Variants in KCNB2 observed in about 807,000 individuals in gnomAD.
The protein encoded by KCNB2 is potassium voltage-gated channel subfamily B member 2, also known as delayed rectifier potassium channel protein.
KCNB2 carries 15 observed loss-of-function variants against 61.5 expected under a neutral mutation model. That is an observed-to-expected ratio of 0.24 (90% CI 0.16 to 0.38). The LOEUF (loss-of-function observed/expected upper bound fraction) is 0.38. Ranked by LOEUF, KCNB2 falls within the 10% of genes least tolerant of loss-of-function variation. The probability of loss-of-function intolerance (pLI) is 1.00; values close to 1 mark genes in which losing one functional copy is unlikely to be tolerated. For synonymous variants in KCNB2, 457 were observed against 446.0 expected (o/e 1.02, Z -0.31); for missense variants, 828 against 1,125.2 (o/e 0.74, Z 3.78).
intron 2 of KCNB2, among the ~76,000 whole-genome samples, chr8:72,678,100 G>A (rs1424561107): frequency 6.6e-6 from 1 of 152,030 alleles, no homozygotes; most frequent in African/African-American, 2.4e-5. Context: ...AAAATTTTTG[G>A]ACACATCCTT....
intron 2 of KCNB2, among the ~76,000 whole-genome samples, chr8:72,727,935 A>G (rs1389882691): frequency 1.3e-5 from 2 of 152,208 alleles, no homozygotes; most frequent in African/African-American, 2.4e-5. Flanking sequence ...TTTTCCATTT[A>G]TAGACTTTAT....
chr8:72,618,329 C>G (rs1028076179), intron 2 of KCNB2, among the ~76,000 whole-genome samples: 41 of 152,258 alleles, frequency 2.7e-4, no homozygotes, highest in African/African-American at 8.9e-4. Context: ...CAGAGAAACT[C>G]TCCTTCTTTT....
intron 2 of KCNB2, among the ~76,000 whole-genome samples, chr8:72,721,658 C>T (rs1405132978): frequency 6.6e-6 from 1 of 152,176 alleles, no homozygotes; most frequent in Non-Finnish European, 1.5e-5. Context: ...ATGAAATCAC[C>T]TTACTCAGAC....
chr8:72,911,593 G>A (rs1806294758), intron 2 of KCNB2, among the ~76,000 whole-genome samples: 3 of 152,310 alleles, frequency 2.0e-5, no homozygotes, highest in African/African-American at 7.2e-5. Context: ...GGCCAACACT[G>A]CCTTTTTAGC....
intron 2 of KCNB2, among the ~76,000 whole-genome samples, chr8:72,635,527 T>C (rs1030005475): frequency 6.6e-6 from 1 of 152,026 alleles, no homozygotes; most frequent in Non-Finnish European, 1.5e-5. Context: ...GAATGAAGAG[T>C]GCCCCGTCTC....
At chr8:72,905,853 C>A (rs1212486525) in intron 2 of KCNB2, among the ~76,000 whole-genome samples, 1 of 152,044 alleles carries the variant, frequency 6.6e-6, no homozygotes, top group Non-Finnish European at 1.5e-5. Context: ...CCAAATGCCA[C>A]CAGACCATCA....
chr8:72,733,402 C>G (rs1486437628), intron 2 of KCNB2, among the ~76,000 whole-genome samples: 1 of 152,088 alleles, frequency 6.6e-6, no homozygotes, highest in Admixed American at 6.6e-5. Flanking sequence ...ATGAGTCTTC[C>G]ATTCTTGACC....
chr8:72,846,118 C>T (rs912775359), intron 2 of KCNB2, among the ~76,000 whole-genome samples: 2 of 152,126 alleles, frequency 1.3e-5, no homozygotes, highest in Non-Finnish European at 2.9e-5. Flanking sequence ...TTGTGAAGAC[C>T]GTGGGAAAAG....
chr8:72,556,092 T>TCA (rs1351780212), intron 1 of KCNB2, among the ~76,000 whole-genome samples: 6 of 152,182 alleles, frequency 3.9e-5, no homozygotes, highest in African/African-American at 1.4e-4. Context: ...CTGGTACAAG[T>TCA]CACGTGAACT....
rs187243994 is a variant in KCNB2 at position 72,902,990 on chromosome 8, G to A, written c.580-32945G>A. ...TTACTGATTTATCTTCAGAAATAAGGGTGGTTCTGGATAACCTCTATTTTA... is the reference window on the plus strand; with the variant it reads ...TTACTGATTTATCTTCAGAAATAAGAGTGGTTCTGGATAACCTCTATTTTA... On this transcript the variant is annotated intron_variant, in intron 2 of 2. Transcript: ENST00000523207. 4.5e-3 allele frequency among the ~76,000 whole-genome samples: 688 copies of A among 152,196 alleles called. 6 individuals are homozygous for A. The highest frequency in any genetic ancestry group is 4.7e-3 in the Non-Finnish European group (317 of 67,996).
At chr8:72,885,149 G>T (rs1391918840) in intron 2 of KCNB2, among the ~76,000 whole-genome samples, 1 of 151,870 alleles carries the variant, frequency 6.6e-6, no homozygotes, top group African/African-American at 2.4e-5. Flanking sequence ...TTCATTAATA[G>T]ATTTTAAAAT....
intron 2 of KCNB2, among the ~76,000 whole-genome samples, chr8:72,596,989 C>T (rs1047581393): frequency 5.9e-5 from 7 of 118,848 alleles, no homozygotes; most frequent in African/African-American, 2.3e-4. Context: ...TGCTTGCTTG[C>T]TTGCTTGCTT....
chr8:72,843,445 A>G (rs1809930856), intron 2 of KCNB2, among the ~76,000 whole-genome samples: 1 of 152,164 alleles, frequency 6.6e-6, no homozygotes, highest in East Asian at 1.9e-4. Flanking sequence ...GTAGATGTCT[A>G]TTAGGTCTGC....
intron 2 of KCNB2, among the ~76,000 whole-genome samples, chr8:72,743,050 T>C (rs1488138520): frequency 2.0e-5 from 3 of 152,194 alleles, no homozygotes; most frequent in Non-Finnish European, 4.4e-5. Flanking sequence ...CATATTTTAT[T>C]TTTAATGAAG....
intron 2 of KCNB2, among the ~76,000 whole-genome samples, chr8:72,728,655 A>G (rs769999135): frequency 6.6e-5 from 10 of 152,170 alleles, no homozygotes; most frequent in Non-Finnish European, 2.9e-5. Flanking sequence ...AATATGGGAA[A>G]ATTAGCTGCA....
At chr8:72,564,240 T>C (rs1043461678) in intron 1 of KCNB2, among the ~76,000 whole-genome samples, 1 of 152,192 alleles carries the variant, frequency 6.6e-6, no homozygotes, top group Non-Finnish European at 1.5e-5. Context: ...TAGCATTTCC[T>C]TTTTTAATGA....
intron 1 of KCNB2, among the ~76,000 whole-genome samples, chr8:72,564,077 A>G (rs769594096): frequency 6.6e-6 from 1 of 152,172 alleles, no homozygotes; most frequent in African/African-American, 2.4e-5. Flanking sequence ...CTTATAATAG[A>G]AAGTTCTTGA....
At chr8:72,821,044 A>G (rs550956931) in intron 2 of KCNB2, among the ~76,000 whole-genome samples, 4 of 152,304 alleles carry the variant, frequency 2.6e-5, no homozygotes, top group Admixed American at 2.6e-4. Flanking sequence ...ACAGATTTAA[A>G]TACTTCAAAA....
chr8:72,675,740 G>C (rs1806643131), intron 2 of KCNB2, among the ~76,000 whole-genome samples: 1 of 152,072 alleles, frequency 6.6e-6, no homozygotes, highest in Admixed American at 6.6e-5. Context: ...TTTTAGTAGA[G>C]ACGGGATTTC....
Sources: gnomAD v4.1 joint callset for allele counts (sites outside exome capture counted in the v4.1 genomes callset) on GRCh38, gnomAD v4.1.1 for gene constraint, MANE v1.5 for transcripts, NCBI Gene and HGNC (gene_info 2026-07-23, HGNC 2026-07-21) for gene names.